Variants in TEAD3 observed in about 807,000 individuals in gnomAD.
TEAD3 encodes TEA domain transcription factor 3.
TEAD3 carries 15 observed loss-of-function variants against 55.6 expected under a neutral mutation model. The ratio of observed to expected loss-of-function variants is 0.27; its 90% CI spans 0.18 to 0.42. The LOEUF (loss-of-function observed/expected upper bound fraction) is 0.42. Ranked by LOEUF, TEAD3 falls within the 10% of genes least tolerant of loss-of-function variation. The probability of loss-of-function intolerance (pLI) is 1.00; values close to 1 mark genes in which losing one functional copy is unlikely to be tolerated. For missense variants in TEAD3, 407 were observed against 576.8 expected, an observed-to-expected ratio of 0.71 and a Z score of 3.01; for synonymous variants, 210 against 232.2, an observed-to-expected ratio of 0.90 and a Z score of 0.87.
chr6:35,497,044 C>G (rs1457888479), exon 1 of TEAD3: 1 of 144,272 alleles, frequency 6.9e-6, no homozygotes, highest in Non-Finnish European at 1.5e-5. Flanking sequence ...GCGCCGAGCG[C>G]GGAGGAGGGA....
Position 35,490,656 on chromosome 6 carries a change from G to A in TEAD3, c.-49-3945C>T, listed in dbSNP as rs540833718. 1.3e-4 allele frequency among the ~76,000 whole-genome samples: 20 copies of A among 152,320 alleles called. No homozygotes were observed. In the South Asian group the frequency reaches 2.5e-3, roughly 19 times the overall value. ...GGCTGGACCGGGGTCTCAGTGGAAG[G>A]GAGTCTGCAGGAGGCGTGAGCACTG... On this transcript the variant is annotated intron_variant, in intron 1 of 12. Transcript: ENST00000639578.
intron 8 of TEAD3, 44 bp downstream of exon 8, chr6:35,477,267 G>A: frequency 1.9e-6 from 3 of 1,603,314 alleles, no homozygotes; most frequent in Non-Finnish European, 2.6e-6. Context: ...CTCCTGAGTG[G>A]AGGTGCAGGT....
intron 3 of TEAD3, among the ~76,000 whole-genome samples, chr6:35,482,860 G>A (rs560552863): frequency 6.6e-6 from 1 of 152,314 alleles, no homozygotes; most frequent in Non-Finnish European, 1.5e-5. Context: ...GGTAGAGAAG[G>A]ACCCGCTGAG....
intron 1 of TEAD3, among the ~76,000 whole-genome samples, chr6:35,495,820 C>T (rs1405294272): frequency 6.6e-6 from 1 of 152,222 alleles, no homozygotes; most frequent in Non-Finnish European, 1.5e-5. Context: ...GAGCTGTGTC[C>T]AGCCCCTACC....
chr6:35,473,629 ATTTTTTTTT>A (rs569676341), downstream of TEAD3: 1 of 123,778 alleles, frequency 8.1e-6, no homozygotes. Context: ...AATAACTTTA[ATTTTTTTTT>A]TTTTTTTTTT....
chr6:35,479,842 CAG>C (rs1363504977), intron 4 of TEAD3, among the ~76,000 whole-genome samples: 2 of 152,246 alleles, frequency 1.3e-5, no homozygotes, highest in African/African-American at 2.4e-5. Flanking sequence ...AAAAGAAAAA[CAG>C]AGAAGAGGAG....
chr6:35,493,972 T>A (rs544550960), intron 1 of TEAD3, among the ~76,000 whole-genome samples: 1 of 152,230 alleles, frequency 6.6e-6, no homozygotes, highest in African/African-American at 2.4e-5. Context: ...GGTACAGAGG[T>A]GGCGGCACAC....
intron 4 of TEAD3, among the ~76,000 whole-genome samples, chr6:35,479,639 G>A (rs77996472): frequency 0.015 from 2,304 of 152,304 alleles, 49 homozygotes; most frequent in African/African-American, 0.046. Context: ...AAGAGCACAC[G>A]GCCAGCGTGA....
In TEAD3 at chr6:35,475,268, T is replaced by C. The variant is rs1768119039; in HGVS notation, c.1194+68A>G. The stretch of plus-strand genomic sequence containing the variant: ...GGATCTATGCCTCTCAGCCAAGCGA[T>C]GTGTCTGGCTACCCAACTTGGAGGC... On this transcript the variant is annotated intron_variant, in intron 12 of 12. Transcript: ENST00000639578. This position sits in a 1 kb window ranked among gnomAD's most constrained non-coding sequence, Gnocchi z 5.4. 6.2e-7 allele frequency: 1 copy of C among 1,605,078 alleles called. No homozygotes were observed. The highest frequency in any genetic ancestry group is 1.3e-5 in the African/African-American group (1 of 74,846).
chr6:35,496,456 G>A lies in TEAD3; in HGVS notation c.-50+442C>T, dbSNP rs1197602115. 6.6e-6 allele frequency among the ~76,000 whole-genome samples: 1 copy of A among 152,072 alleles called. No homozygotes were observed. The highest frequency in any genetic ancestry group is 1.5e-5 in the Non-Finnish European group (1 of 67,990). ...CCGGGCCCGAGGCCTGCGTGGAGCTGAGGCCGGGCGGGCTCCGGGAGCGCG... is the reference window on the plus strand; with the variant it reads ...CCGGGCCCGAGGCCTGCGTGGAGCTAAGGCCGGGCGGGCTCCGGGAGCGCG... On this transcript the variant is annotated intron_variant, in intron 1 of 12. Coordinates refer to ENST00000639578, the Ensembl canonical transcript of TEAD3. This position sits in a 1 kb window ranked among gnomAD's most constrained non-coding sequence, Gnocchi z 4.8.
chr6:35,476,824 G>T (rs1244930362), intron 8 of TEAD3, among the ~76,000 whole-genome samples: 1 of 151,966 alleles, frequency 6.6e-6, no homozygotes, highest in Non-Finnish European at 1.5e-5. Flanking sequence ...ATTGGCTATG[G>T]TTTTTTTGTT....
downstream of TEAD3, chr6:35,474,110 C>G (rs1007214099): frequency 6.6e-6 from 1 of 152,204 alleles, no homozygotes; most frequent in African/African-American, 2.4e-5. Context: ...TTCTGCTACT[C>G]TCTCCCTCTG....
At chr6:35,478,877 C>CTTT (rs67071124) in intron 5 of TEAD3, among the ~76,000 whole-genome samples, 6 of 106,734 alleles carry the variant, frequency 5.6e-5, no homozygotes, top group South Asian at 2.9e-4. Flanking sequence ...CTCCTATTTT[C>CTTT]TTTTTTTTTT....
At chr6:35,476,411 G>A in exon 9 of TEAD3, 2 of 1,613,122 alleles carry the variant, frequency 1.2e-6, no homozygotes, top group Non-Finnish European at 1.7e-6. Flanking sequence ...AGCAGCTGAG[G>A]GGAGCGGGGC....
intron 7 of TEAD3, 143 bp downstream of exon 7, chr6:35,478,132 C>T (rs959699558): frequency 1.0e-6 from 1 of 989,168 alleles, no homozygotes; most frequent in East Asian, 2.6e-5. Context: ...GGATTGATTA[C>T]AGGTGTGAGC....
At chr6:35,474,922 G>A in exon 13 of TEAD3, 1 of 782,872 alleles carries the variant, frequency 1.3e-6, no homozygotes, top group Non-Finnish European at 2.0e-6. Context: ...GAGGCCTCCT[G>A]GGTCCTGGGC....
In TEAD3 at chr6:35,486,496, C is replaced by T; in HGVS notation, c.167G>A (p.Arg56Gln). Residue 56 changes from arginine (R) to glutamine (Q), a missense_variant, in exon 2 of 13, where the codon CGG becomes CAG. By Grantham distance (43) the Arg-to-Gln change is conservative. Transcript: ENST00000639578. This position sits in a 1 kb window ranked among gnomAD's most constrained non-coding sequence, Gnocchi z 7.3. Reference sequence around the variant, plus strand: ...GCCCTCGTCTGACAGGATGATCTTCCGCCGGCCGCAGGGCGGGTAGATGGC... The same window carrying T: ...GCCCTCGTCTGACAGGATGATCTTCTGCCGGCCGCAGGGCGGGTAGATGGC... 1 of 1,613,400 alleles carries T rather than the reference C, an allele frequency of 6.2e-7. No homozygotes were observed. The highest frequency in any genetic ancestry group is 8.5e-7 in the Non-Finnish European group (1 of 1,179,716).
intron 1 of TEAD3, among the ~76,000 whole-genome samples, chr6:35,495,720 G>A (rs1581732191): frequency 1.3e-5 from 2 of 152,184 alleles, no homozygotes; most frequent in African/African-American, 4.8e-5. Flanking sequence ...CTTGCCCCAG[G>A]TGGCCCCAGC....
In TEAD3 at chr6:35,485,144, C is replaced by T. The variant is rs192664914; in HGVS notation, c.203-520G>A. 2.8e-3 allele frequency among the ~76,000 whole-genome samples: 431 copies of T among 152,312 alleles called. No homozygotes were observed. The highest frequency in any genetic ancestry group is 4.4e-3 in the Non-Finnish European group (299 of 68,012). ...TCTTTACCCTGGTCAAGTCCCTTCC[C>T]TTCTCTGGTAAAAGACCAGGAAGGA... On this transcript the variant is annotated intron_variant, in intron 2 of 12. Transcript: ENST00000639578. The surrounding 1 kb of genome is among the most constrained non-coding windows in gnomAD (Gnocchi z 4.3).
Sources: gnomAD v4.1 joint callset for allele counts (sites outside exome capture counted in the v4.1 genomes callset) on GRCh38, gnomAD v4.1.1 for gene constraint, Gnocchi (gnomAD v3.1) non-coding constraint, MANE v1.5 for transcripts, NCBI Gene and HGNC (gene_info 2026-07-23, HGNC 2026-07-21) for gene names.